SOX6: variants seen among roughly 807,000 people sequenced by gnomAD.
SOX6 encodes the protein SRY-box transcription factor 6, also known as transcription factor SOX-6.
Under a neutral mutation model 97.8 loss-of-function variants are expected in SOX6, and 11 were observed. The observed-to-expected ratio is 0.11, with a 90% CI of 0.07 to 0.19. SOX6 has a LOEUF of 0.19. Among genes scored for constraint, SOX6 ranks in the 10% least tolerant of loss-of-function variants. The pLI is 1.00. For synonymous variants in SOX6, 360 were observed against 371.4 expected (o/e 0.97, Z 0.35); for missense variants, 810 against 1,039.5 (o/e 0.78, Z 3.04).
intron 4 of SOX6, among the ~76,000 whole-genome samples, chr11:16,211,278 C>T (rs1433055077): frequency 6.6e-6 from 1 of 152,002 alleles, no homozygotes; most frequent in Non-Finnish European, 1.5e-5. Flanking sequence ...AGTAATGTGA[C>T]TTAACTTTTT....
chr11:16,287,294 T>TCACA (rs1257485756), intron 3 of SOX6, among the ~76,000 whole-genome samples: 8 of 112,686 alleles, frequency 7.1e-5, no homozygotes, highest in African/African-American at 2.6e-4. Flanking sequence ...TCTCTCTCTC[T>TCACA]CTCTCACACA....
intron 9 of SOX6, among the ~76,000 whole-genome samples, chr11:16,088,783 T>C (rs1376062046): frequency 6.6e-6 from 1 of 152,172 alleles, no homozygotes; most frequent in Non-Finnish European, 1.5e-5. Flanking sequence ...TGATAGGGAA[T>C]TTGTAGGGTG....
chr11:15,993,707 G>A (rs566984293), intron 13 of SOX6, among the ~76,000 whole-genome samples: 15 of 152,256 alleles, frequency 9.9e-5, no homozygotes, highest in South Asian at 4.2e-4. Flanking sequence ...GCAAACTTTC[G>A]GTTAGATTAA....
intron 6 of SOX6, among the ~76,000 whole-genome samples, chr11:16,147,727 T>A (rs1036837175): frequency 1.3e-5 from 2 of 152,130 alleles, no homozygotes; most frequent in African/African-American, 2.4e-5. Context: ...TCTCTTCCCA[T>A]CCACATGGAA....
At chr11:16,312,981 T>C (rs1855651082) in intron 3 of SOX6, 1 of 152,182 alleles carries the variant, frequency 6.6e-6, no homozygotes, top group Non-Finnish European at 1.5e-5. Context: ...TCTGTCTACC[T>C]ACCTACATAC....
At chr11:16,087,975 A>T (rs1229445618) in intron 9 of SOX6, among the ~76,000 whole-genome samples, 2 of 148,156 alleles carry the variant, frequency 1.3e-5, no homozygotes, top group Non-Finnish European at 3.0e-5. Flanking sequence ...ATTGTCAACC[A>T]CACCCTTGTG....
chr11:16,163,352 T>G lies in SOX6; in HGVS notation c.777+20534A>C, dbSNP rs761669895. Among the ~76,000 whole-genome samples, 18 of 152,284 alleles carry G rather than the reference T, an allele frequency of 1.2e-4. 1 individual carries two copies. The East Asian group carries it at 3.5e-3, about 29-fold the overall frequency. On this transcript the variant is annotated intron_variant, in intron 6 of 15. Coordinates refer to ENST00000683767, the MANE Select transcript of SOX6 (RefSeq NM_001367873.1). ...AAGGTCCCTTTCACCCAAAACAGTT[T>G]AAGATCCTATAGATTTTTACTATGC...
chr11:16,519,204 AT>A (rs373269690), intron 4 of SOX6, among the ~76,000 whole-genome samples: 18 of 150,164 alleles, frequency 1.2e-4, no homozygotes, highest in South Asian at 4.2e-4. Context: ...TAAAAATCCA[AT>A]TTTTTTTTTA....
At chr11:16,570,352 C>A (rs1847924531) in intron 4 of SOX6, among the ~76,000 whole-genome samples, 1 of 151,646 alleles carries the variant, frequency 6.6e-6, no homozygotes, top group African/African-American at 2.4e-5. Flanking sequence ...AAACTTAATA[C>A]AGGTAAATTT....
intron 4 of SOX6, among the ~76,000 whole-genome samples, chr11:16,542,623 A>G (rs933651140): frequency 3.9e-5 from 6 of 152,136 alleles, no homozygotes; most frequent in South Asian, 2.1e-4. Context: ...AAATTTGAGA[A>G]CTGTATTCAA....
chr11:16,631,259 C>G (rs1848703372), intron 3 of SOX6, among the ~76,000 whole-genome samples: 1 of 151,222 alleles, frequency 6.6e-6, no homozygotes, highest in East Asian at 2.0e-4. Flanking sequence ...CCTTAAGGAT[C>G]TCCCGTAAGG....
At chr11:16,390,150 T>G (rs1302473021) in intron 1 of SOX6, among the ~76,000 whole-genome samples, 2 of 150,506 alleles carry the variant, frequency 1.3e-5, no homozygotes, top group Non-Finnish European at 2.9e-5. Context: ...ATTTGTAATA[T>G]AGAAGTTGGG....
At chr11:16,094,907 T>C (rs1848762019) in intron 9 of SOX6, among the ~76,000 whole-genome samples, 1 of 151,850 alleles carries the variant, frequency 6.6e-6, no homozygotes. Context: ...TCTTTGGTCT[T>C]GTCTCTTCCT....
At chr11:16,525,997 A>T (rs1278418484) in intron 4 of SOX6, among the ~76,000 whole-genome samples, 3 of 152,212 alleles carry the variant, frequency 2.0e-5, no homozygotes, top group African/African-American at 7.2e-5. Flanking sequence ...GGTGCTGGAG[A>T]GGATGTGGAG....
At chr11:15,989,348 T>C in intron 13 of SOX6, 118 bp from the exon 14 acceptor site, 2 of 757,288 alleles carry the variant, frequency 2.6e-6, no homozygotes, top group Non-Finnish European at 4.2e-6. Context: ...CTTTTCTAAG[T>C]GACTTCTTGG....
intron 4 of SOX6, among the ~76,000 whole-genome samples, chr11:16,191,187 G>A (rs1174028763): frequency 6.6e-6 from 1 of 152,180 alleles, no homozygotes; most frequent in African/African-American, 2.4e-5. Context: ...AGGCACAGAG[G>A]CTCATGCCTG....
chr11:16,551,787 G>A (rs1847690695), intron 4 of SOX6, among the ~76,000 whole-genome samples: 1 of 151,764 alleles, frequency 6.6e-6, no homozygotes, highest in Admixed American at 6.6e-5. Flanking sequence ...TATTTTTTTA[G>A]TAGAGATGGG....
At chr11:16,092,279 G>A (rs1848707371) in intron 9 of SOX6, among the ~76,000 whole-genome samples, 1 of 151,888 alleles carries the variant, frequency 6.6e-6, no homozygotes, top group Non-Finnish European at 1.5e-5. Flanking sequence ...GAATTAATAA[G>A]TAATAAAAAA....
intron 4 of SOX6, among the ~76,000 whole-genome samples, chr11:16,533,107 G>T (rs1243988125): frequency 6.6e-6 from 1 of 151,720 alleles, no homozygotes; most frequent in Admixed American, 6.6e-5. Context: ...AAAATACCTA[G>T]ACACAAAATT....
Sources: gnomAD v4.1 joint callset for allele counts (sites outside exome capture counted in the v4.1 genomes callset) on GRCh38, gnomAD v4.1.1 for gene constraint, MANE v1.5 for transcripts, NCBI Gene and HGNC (gene_info 2026-07-23, HGNC 2026-07-21) for gene names.